Variants in CHST3 observed in about 807,000 individuals in gnomAD.
The protein encoded by CHST3 is C6ST-1.
In CHST3, 20 loss-of-function variants were observed where a neutral mutation model predicts 35.4. The ratio of observed to expected loss-of-function variants is 0.57; its 90% CI spans 0.40 to 0.82. The LOEUF is 0.82. Ranked by LOEUF, CHST3 falls within the 40% of genes least tolerant of loss-of-function variation. The probability of loss-of-function intolerance (pLI) is 0.00; values close to 1 mark genes in which losing one functional copy is unlikely to be tolerated. For missense variants in CHST3, 693 were observed against 670.1 expected (o/e 1.03, Z -0.38); for synonymous variants, 334 against 295.9 (o/e 1.13, Z -1.32).
At chr10:71,983,731 G>A (rs373012201) in intron 1 of CHST3, among the ~76,000 whole-genome samples, 4 of 151,990 alleles carry the variant, frequency 2.6e-5, no homozygotes, top group African/African-American at 7.3e-5. Context: ...GATTACAGGC[G>A]TGAGCCACTG....
chr10:71,981,870 C>G (rs1234298191), intron 1 of CHST3, among the ~76,000 whole-genome samples: 1 of 152,244 alleles, frequency 6.6e-6, no homozygotes, highest in African/African-American at 2.4e-5. Context: ...ACAGATTCCT[C>G]CCACCTCAGA....
intron 1 of CHST3, among the ~76,000 whole-genome samples, chr10:71,979,420 G>T (rs1206791300): frequency 6.6e-6 from 1 of 152,062 alleles, no homozygotes; most frequent in Admixed American, 6.5e-5. Context: ...GGCAGGAGAG[G>T]GGTTAGACTA....
intron 1 of CHST3, among the ~76,000 whole-genome samples, chr10:71,982,872 C>T (rs1185823675): frequency 2.6e-5 from 4 of 152,216 alleles, no homozygotes; most frequent in Non-Finnish European, 4.4e-5. Context: ...AGTACGGGGG[C>T]CAGGCAGTCA....
chr10:71,995,929 T>C (rs982626032), intron 1 of CHST3, among the ~76,000 whole-genome samples: 21 of 152,162 alleles, frequency 1.4e-4, no homozygotes, highest in Admixed American at 4.6e-4. Context: ...GAAATGGCAC[T>C]GATAAGACTT....
intron 1 of CHST3, among the ~76,000 whole-genome samples, chr10:71,982,724 G>A (rs1839812640): frequency 6.6e-6 from 1 of 152,184 alleles, no homozygotes; most frequent in Admixed American, 6.5e-5. Context: ...ACTCAGCCTG[G>A]GCAACAGAGC....
intron 1 of CHST3, among the ~76,000 whole-genome samples, chr10:71,998,355 C>T (rs1839961303): frequency 6.6e-6 from 1 of 152,178 alleles, no homozygotes; most frequent in Non-Finnish European, 1.5e-5. Context: ...GGTCTATGTC[C>T]AGGTCGGTTC....
intron 1 of CHST3, among the ~76,000 whole-genome samples, chr10:71,973,378 C>A (rs1477888770): frequency 6.6e-6 from 1 of 152,202 alleles, no homozygotes; most frequent in East Asian, 1.9e-4. Flanking sequence ...CACTGCTCAA[C>A]CCCACCAGCA....
In CHST3 at chr10:72,008,768, A is replaced by C; in HGVS notation, c.*297A>C. The C allele has an allele frequency of 1.8e-5, 6 of 331,330 alleles. No individual in the cohort carries two copies. Among genetic ancestry groups the C allele is most frequent in the East Asian group, 5.0e-5 (1 of 19,974 alleles). The allele number at this position is 331,330 out of a possible 1,614,324, so 20.5% of individuals were successfully genotyped here. ...TTCGATCTCACACACACAGAAACAT[A>C]CATTCGTGCCTGGAGACCCTGCAGG... On this transcript the variant is annotated 3_prime_UTR_variant, in exon 3 of 3. Coordinates refer to ENST00000373115, the MANE Select transcript of CHST3 (RefSeq NM_004273.5).
intron 1 of CHST3, among the ~76,000 whole-genome samples, chr10:71,999,868 C>A (rs181971005): frequency 4.6e-5 from 7 of 152,362 alleles, no homozygotes; most frequent in African/African-American, 1.7e-4. Flanking sequence ...CCTCAGCTCG[C>A]AGCCCCCTTT....
intron 1 of CHST3, among the ~76,000 whole-genome samples, chr10:71,970,117 T>C (rs1056932579): frequency 2.0e-5 from 3 of 152,110 alleles, no homozygotes; most frequent in Non-Finnish European, 4.4e-5. Flanking sequence ...GCTTCAGCCC[T>C]CTGTCTCTAT....
intron 1 of CHST3, among the ~76,000 whole-genome samples, chr10:71,970,517 T>C (rs1230829188): frequency 1.3e-5 from 2 of 152,046 alleles, no homozygotes; most frequent in Non-Finnish European, 2.9e-5. Context: ...CTCCTTAACT[T>C]TAAGAGCCTC....
Position 72,007,490 on chromosome 10 carries a change from C to T in CHST3, c.459C>T (p.Asn153=). Residue 153 remains asparagine, a synonymous_variant, in exon 3 of 3, where the codon AAC becomes AAT. Transcript: ENST00000373115. ...CCTCGTTCGTGGGCGAGTTCTTCAA[C>T]CAGCAGGGCAACATCTTCTACCTCT... ...TGSSFVGEFF[N]QQGNIFYLFE... is the part of the protein sequence containing the mutation. The T allele has an allele frequency of 6.2e-7, 1 of 1,602,386 alleles. No homozygotes were observed. Among genetic ancestry groups the T allele is most frequent in the South Asian group, 1.1e-5 (1 of 91,064 alleles).
Position 72,007,362 on chromosome 10 carries a change from G to A in CHST3, c.331G>A (p.Gly111Arg), listed in dbSNP as rs1467612853. 5.0e-6 allele frequency: 8 copies of A among 1,606,996 alleles called. No homozygotes were observed. Among genetic ancestry groups the A allele is most frequent in the Non-Finnish European group, 6.8e-6 (8 of 1,177,046 alleles). The change falls in exon 3 of 3, where the codon GGG becomes AGG. Residue 111 changes from glycine to arginine, a missense_variant. Physicochemically the swap from Gly to Arg is moderately radical, Grantham distance 125. Coordinates refer to ENST00000373115, the MANE Select transcript of CHST3 (RefSeq NM_004273.5). ...LGVEPAMEAA[G>R]EEEEEQRKEE... Reference sequence around the variant, plus strand: ...CGTGGAGCCAGCCATGGAGGCCGCAGGGGAGGAAGAGGAAGAGCAGAGAAA... The same window carrying A: ...CGTGGAGCCAGCCATGGAGGCCGCAAGGGAGGAAGAGGAAGAGCAGAGAAA...
At chr10:71,965,860 G>C (rs1452179875) in intron 1 of CHST3, among the ~76,000 whole-genome samples, 10 of 152,182 alleles carry the variant, frequency 6.6e-5, no homozygotes, top group Admixed American at 6.5e-4. Context: ...CAGTGGCCCA[G>C]GCACTGTGTG....
At chr10:71,970,796 G>T (rs770984704) in intron 1 of CHST3, among the ~76,000 whole-genome samples, 2 of 152,196 alleles carry the variant, frequency 1.3e-5, no homozygotes, top group Non-Finnish European at 2.9e-5. Context: ...CTTAAACATT[G>T]CTTTAGGGTG....
intron 1 of CHST3, among the ~76,000 whole-genome samples, chr10:71,976,133 G>A (rs1434515846): frequency 1.3e-5 from 2 of 152,164 alleles, no homozygotes; most frequent in African/African-American, 4.8e-5. Context: ...TTGTGGTTCG[G>A]GAAAATGACC....
intron 1 of CHST3, among the ~76,000 whole-genome samples, chr10:71,987,157 G>A (rs533970034): frequency 4.6e-5 from 7 of 152,204 alleles, no homozygotes; most frequent in African/African-American, 1.7e-4. Context: ...AGACACATGC[G>A]GACCAAGCCT....
At chr10:71,995,249 AC>A (rs1422750412) in intron 1 of CHST3, among the ~76,000 whole-genome samples, 1 of 151,098 alleles carries the variant, frequency 6.6e-6, no homozygotes. Flanking sequence ...ACCTGATGAA[AC>A]CCCCTCTCTA....
intron 1 of CHST3, among the ~76,000 whole-genome samples, chr10:72,000,820 G>A (rs1839985589): frequency 6.6e-6 from 1 of 152,028 alleles, no homozygotes; most frequent in Non-Finnish European, 1.5e-5. Context: ...CTGCCCACAT[G>A]TGATCCCATA....
Sources: allele counts gnomAD v4.1 joint callset (sites outside exome capture counted in the v4.1 genomes callset), GRCh38; gene constraint gnomAD v4.1.1; transcripts MANE v1.5; gene names NCBI Gene and HGNC (gene_info 2026-07-23, HGNC 2026-07-21).